Variants in LONP1 observed in about 807,000 individuals in gnomAD.
LONP1 encodes the protein lon protease homolog, mitochondrial.
LONP1 carries 31 observed loss-of-function variants against 98.5 expected under a neutral mutation model. The ratio of observed to expected loss-of-function variants is 0.31; its 90% CI spans 0.24 to 0.42. The LOEUF (loss-of-function observed/expected upper bound fraction) is 0.42, where lower values mean the gene tolerates loss of function less well. LONP1 is among the 20% of genes least tolerant of loss of function. LONP1 has a pLI of 1.00. For synonymous variants in LONP1, 781 were observed against 594.7 expected (o/e 1.31, Z -4.56); for missense variants, 1,336 against 1,350.6 (o/e 0.99, Z 0.17).
chr19:5,696,338 G>C lies in LONP1; in HGVS notation c.1807C>G (p.Pro603Ala). 6.2e-7 allele frequency: 1 copy of C among 1,613,256 alleles called. No individual in the cohort carries two copies. The highest frequency in any genetic ancestry group is 8.5e-7 in the Non-Finnish European group (1 of 1,179,892). The change falls in exon 12 of 18, where the codon CCG becomes GCG. Residue 603 changes from proline to alanine, a missense_variant. Transcript: ENST00000360614. ...DKIGRGYQGD[P>A]SSALLELLDP... ...AGCAGCTCCAGCAGTGCCGACGACGGGTCCCCCTGGTAGCCTCGGCCGATC... is the reference window on the plus strand; with the variant it reads ...AGCAGCTCCAGCAGTGCCGACGACGCGTCCCCCTGGTAGCCTCGGCCGATC...
At chr19:5,708,891 T>G (rs1449078381) in intron 4 of LONP1, 3 of 153,268 alleles carry the variant, frequency 2.0e-5, no homozygotes, top group African/African-American at 7.3e-5. Flanking sequence ...CGGGCGCCTG[T>G]AGTCCCAGCT....
intron 7 of LONP1, 49 bp downstream of exon 7, chr19:5,707,011 C>T: frequency 6.7e-7 from 1 of 1,494,612 alleles, no homozygotes; most frequent in Non-Finnish European, 9.2e-7. Flanking sequence ...TGTCACGTGG[C>T]CCGAGGGGAA....
At chr19:5,693,493 C>T in intron 16 of LONP1, 31 bp from the exon 17 acceptor site, 1 of 1,611,394 alleles carries the variant, frequency 6.2e-7, no homozygotes, top group Non-Finnish European at 8.5e-7. Flanking sequence ...AGTGGGTGAG[C>T]AGGTGGCCAG....
At position 5,692,364 on chromosome 19, in the gene LONP1, C is replaced by T. The variant is rs1327514002; in HGVS notation, c.2704-156G>A. The T allele has an allele frequency of 9.2e-6, 6 of 649,456 alleles. No individual in the cohort carries two copies. The African/African-American group carries it at 1.1e-4, about 12-fold the overall frequency. The allele number at this position is 649,456 out of a possible 1,614,324, so 40.2% of individuals were successfully genotyped here. ...CAAAACCCACCAGGGTCCCCGTCTC[C>T]CACGGGGAAACAGGCTCAAGGCAAA... On this transcript the variant is annotated intron_variant, in intron 17 of 17. Transcript: ENST00000360614.
rs200822235 is a variant in LONP1 at position 5,719,900 on chromosome 19, G to A, written c.233C>T (p.Ala78Val). Residue 78 changes from alanine (A) to valine (V), a missense_variant, in exon 1 of 18, where the codon GCA becomes GTA. Transcript: ENST00000360614. ...GGAGGCGTCCTCGCCCCCCGAGAAT[G>A]CGCCTCCGCCGCGGCTGCTCGCTTC... ...FWEASSRGGGAFSGGEDASEG... is the reference protein window; with the variant it reads ...FWEASSRGGGVFSGGEDASEG... 1.4e-4 allele frequency: 216 copies of A among 1,555,758 alleles called. 1 individual carries two copies. The African/African-American group carries it at 2.7e-3, about 19-fold the overall frequency.
At chr19:5,695,130 A>G (rs531861105) in intron 13 of LONP1, among the ~76,000 whole-genome samples, 4 of 151,526 alleles carry the variant, frequency 2.6e-5, no homozygotes, top group African/African-American at 4.8e-5. Context: ...CTATCCCCCA[A>G]TGGTATCTTA....
chr19:5,707,886 C>A (rs1307147179), intron 5 of LONP1, 60 bp from the exon 6 acceptor site: 2 of 1,590,186 alleles, frequency 1.3e-6, no homozygotes, highest in African/African-American at 1.3e-5. Flanking sequence ...GCAGTGCAGC[C>A]CCCAAACGGG....
intron 10 of LONP1, among the ~76,000 whole-genome samples, chr19:5,698,665 G>A (rs1481875632): frequency 1.3e-5 from 2 of 152,200 alleles, no homozygotes; most frequent in Non-Finnish European, 1.5e-5. Flanking sequence ...CTAGTCCTGG[G>A]GCATCAGCCA....
At chr19:5,715,406 G>A (rs1046799432) in intron 1 of LONP1, among the ~76,000 whole-genome samples, 9 of 150,784 alleles carry the variant, frequency 6.0e-5, no homozygotes, top group Non-Finnish European at 1.3e-4. Flanking sequence ...CACTTTGGGA[G>A]GCCGAGGCGG....
At chr19:5,718,207 G>A (rs1251511483) in intron 1 of LONP1, among the ~76,000 whole-genome samples, 1 of 152,158 alleles carries the variant, frequency 6.6e-6, no homozygotes, top group African/African-American at 2.4e-5. Context: ...GCCGGGCGCA[G>A]TGACTCGCAC....
At chr19:5,708,451 G>C (rs755136364) in intron 4 of LONP1, 48 bp from the exon 5 acceptor site, 2 of 1,432,418 alleles carry the variant, frequency 1.4e-6, no homozygotes, top group East Asian at 4.6e-5. Flanking sequence ...TGCTCCAGCA[G>C]GGGGTGGGCT....
chr19:5,719,821 C>T lies in LONP1; in HGVS notation c.312G>A (p.Gly104=), dbSNP rs764263075. ...TGAGCGCCGTTATGACCGGGCCTTC[C>T]CCGGCGCCCGCGCTGCCCCCCGCGC... ...AGGAGGSAGA[G]EGPVITALTP... The change falls in exon 1 of 18, where the codon GGG becomes GGA. Residue 104 remains glycine (G), a synonymous_variant. Coordinates refer to ENST00000360614, the MANE Select transcript of LONP1 (RefSeq NM_004793.4). The T allele has an allele frequency of 6.2e-7, 1 of 1,610,678 alleles. No individual in the cohort carries two copies. The highest frequency in any genetic ancestry group is 1.3e-5 in the African/African-American group (1 of 74,760).
intron 10 of LONP1, among the ~76,000 whole-genome samples, chr19:5,697,870 G>A (rs962590955): frequency 2.6e-5 from 4 of 151,876 alleles, no homozygotes; most frequent in East Asian, 1.9e-4. Context: ...TCAGAACCCC[G>A]CCAGGGTCTC....
intron 10 of LONP1, among the ~76,000 whole-genome samples, chr19:5,698,553 G>A (rs557899551): frequency 2.6e-4 from 39 of 152,198 alleles, no homozygotes; most frequent in Non-Finnish European, 2.8e-4. Context: ...CCACAGAGGC[G>A]CCAAGGTTTC....
At chr19:5,692,234 TGCCTGG>T in intron 17 of LONP1, 26 bp from the exon 18 acceptor site, 1 of 1,587,670 alleles carries the variant, frequency 6.3e-7, no homozygotes, top group Non-Finnish European at 8.6e-7. Flanking sequence ...GGGTCAGCCC[TGCCTGG>T]GCCTGTGGGA....
intron 10 of LONP1, among the ~76,000 whole-genome samples, chr19:5,698,563 C>G (rs1410917028): frequency 6.6e-6 from 1 of 152,212 alleles, no homozygotes; most frequent in Non-Finnish European, 1.5e-5. Context: ...GCCAAGGTTT[C>G]TCTGGTGTGC....
At chr19:5,708,223 T>G in intron 5 of LONP1, 119 bp downstream of exon 5, 1 of 1,056,002 alleles carries the variant, frequency 9.5e-7, no homozygotes, top group Admixed American at 2.0e-5. Context: ...CACAGGCCAC[T>G]CCTTGGGGCA....
At position 5,719,713 on chromosome 19, in the gene LONP1, C is replaced by G; in HGVS notation, c.420G>C (p.Lys140Asn). The change falls in exon 1 of 18, where the codon AAG becomes AAC. Residue 140 changes from lysine to asparagine, a missense_variant. This residue lies in a region of LONP1 where 457 missense variants were observed against 403.1 expected (regional missense o/e 1.13). Transcript: ENST00000360614. ...CGGGGACTCCCATTACCTCGATAAT[C>G]TTGATAAAGCGCGGGAACACCGGGT... Reference protein sequence around the residue: ...TRNPVFPRFIKIIEVKNKKLV... With the variant: ...TRNPVFPRFINIIEVKNKKLV... 1 of 1,613,878 alleles carries G rather than the reference C, an allele frequency of 6.2e-7. No homozygotes were observed. Among genetic ancestry groups the G allele is most frequent in the Non-Finnish European group, 8.5e-7 (1 of 1,180,034 alleles).
chr19:5,702,372 CCCGG>C (rs1473497370), intron 8 of LONP1, among the ~76,000 whole-genome samples: 5 of 150,012 alleles, frequency 3.3e-5, no homozygotes, highest in South Asian at 4.2e-4. Context: ...CAGCCCCCCG[CCCGG>C]CCAGCCGCCC....
Sources: allele counts gnomAD v4.1 joint callset (sites outside exome capture counted in the v4.1 genomes callset), GRCh38; gene constraint gnomAD v4.1.1; regional missense constraint gnomAD v4.1.1; transcripts MANE v1.5; gene names NCBI Gene and HGNC (gene_info 2026-07-23, HGNC 2026-07-21).